Variants in CHRNA7 observed in about 807,000 individuals in gnomAD.
CHRNA7 encodes cholinergic receptor nicotinic alpha 7 subunit.
CHRNA7 carries 17 observed loss-of-function variants against 48.0 expected under a neutral mutation model. That is an observed-to-expected ratio of 0.35 (90% CI 0.24 to 0.53). CHRNA7 has a LOEUF of 0.53. CHRNA7 is among the 20% of genes least tolerant of loss of function. The pLI, the probability that CHRNA7 is intolerant of heterozygous loss-of-function variation, is 0.92. For synonymous variants in CHRNA7, 75 were observed against 242.3 expected, an observed-to-expected ratio of 0.31 and a Z score of 6.41; for missense variants, 155 against 577.7, an observed-to-expected ratio of 0.27 and a Z score of 7.50.
intron 2 of CHRNA7, among the ~76,000 whole-genome samples, chr15:32,058,401 A>G (rs1183978801): frequency 1.3e-5 from 2 of 152,210 alleles, no homozygotes; most frequent in African/African-American, 2.4e-5. Context: ...AGGAATATTC[A>G]TGACAGGAAA....
At chr15:32,068,090 T>C (rs535256172) in intron 2 of CHRNA7, among the ~76,000 whole-genome samples, 1 of 152,276 alleles carries the variant, frequency 6.6e-6, no homozygotes, top group South Asian at 2.1e-4. Flanking sequence ...GACAGGAGGA[T>C]TGCTTGAGGC....
chr15:32,035,279 T>A (rs116928525), intron 2 of CHRNA7, among the ~76,000 whole-genome samples: 1 of 152,202 alleles, frequency 6.6e-6, no homozygotes, highest in African/African-American at 2.4e-5. Context: ...TTGTGCTGTT[T>A]AGTCAGTCAC....
intron 2 of CHRNA7, among the ~76,000 whole-genome samples, chr15:32,074,237 A>G (rs964165658): frequency 1.3e-5 from 2 of 150,730 alleles, no homozygotes; most frequent in South Asian, 2.1e-4. Flanking sequence ...GGGATTTTCT[A>G]TGCAGACAAT....
intron 2 of CHRNA7, among the ~76,000 whole-genome samples, chr15:32,073,041 T>TTCTA (rs1566819538): frequency 3.9e-5 from 6 of 152,268 alleles, no homozygotes; most frequent in Middle Eastern, 3.4e-3. Flanking sequence ...GACCCATGAA[T>TTCTA]GGTAGAGCCA....
intron 4 of CHRNA7, among the ~76,000 whole-genome samples, chr15:32,132,578 A>G (rs1381674954): frequency 6.6e-6 from 1 of 152,174 alleles, no homozygotes; most frequent in Non-Finnish European, 1.5e-5. Flanking sequence ...TTCAAGATCA[A>G]GGGTCTGGAT....
In CHRNA7 at chr15:32,030,989, A is replaced by G. The variant is rs910672291; in HGVS notation, c.147A>G (p.Gln49=). The change falls in exon 2 of 10, where the codon CAA becomes CAG. Residue 49 remains glutamine, a synonymous_variant. Transcript: ENST00000306901. ...AGAGGCCCGTGGCCAATGACTCGCA[A>G]CCACTCACCGTCTACTTCTCCCTGA... ...PLERPVANDS[Q]PLTVYFSLSL... 1 of 1,614,186 alleles carries G rather than the reference A, an allele frequency of 6.2e-7. No individual in the cohort carries two copies. The highest frequency in any genetic ancestry group is 1.7e-5 in the Admixed American group (1 of 60,032).
intron 4 of CHRNA7, among the ~76,000 whole-genome samples, chr15:32,139,531 G>A (rs1459670724): frequency 7.9e-5 from 12 of 151,734 alleles, no homozygotes. Flanking sequence ...ATTTGGTGTT[G>A]TCAGTGTTCT....
chr15:32,030,882 GT>G lies in CHRNA7; in HGVS notation c.56-15del. ...GGCCTGCCCTGAGCCCCCTGCCCGG[GT>G]CTTCTCTCCTTAAGTGTCCCTGCAA... On this transcript the variant is annotated splice_polypyrimidine_tract_variant and intron_variant, in intron 1 of 9. Transcript: ENST00000306901. 1 of 1,612,806 alleles carries G rather than the reference GT, an allele frequency of 6.2e-7. No individual in the cohort carries two copies. Among genetic ancestry groups the G allele is most frequent in the Non-Finnish European group, 8.5e-7 (1 of 1,179,664 alleles).
At chr15:32,105,721 A>G (rs1451160252) in intron 3 of CHRNA7, among the ~76,000 whole-genome samples, 4 of 152,178 alleles carry the variant, frequency 2.6e-5, no homozygotes, top group Admixed American at 2.6e-4. Flanking sequence ...TTTGTCATTA[A>G]TGTTTACTTT....
intron 2 of CHRNA7, among the ~76,000 whole-genome samples, chr15:32,053,970 G>A (rs2049739667): frequency 6.6e-6 from 1 of 152,064 alleles, no homozygotes; most frequent in Non-Finnish European, 1.5e-5. Flanking sequence ...TCTCAGCATG[G>A]GAAATTTACT....
chr15:32,126,060 C>A (rs76195123), intron 4 of CHRNA7, among the ~76,000 whole-genome samples: 2,267 of 152,166 alleles, frequency 0.015, 47 homozygotes, highest in African/African-American at 0.052. Context: ...AATGCTTCTC[C>A]CTGATACCTA....
intron 2 of CHRNA7, among the ~76,000 whole-genome samples, chr15:32,049,122 G>GT (rs2049615440): frequency 6.6e-6 from 1 of 151,552 alleles, no homozygotes; most frequent in Non-Finnish European, 1.5e-5. Flanking sequence ...TGTATATTCT[G>GT]TTGATTTGGG....
rs141705098 is a variant in CHRNA7, at chr15:32,088,005, A to G, written c.196-13298A>G. ...GTTACTCTTTGTATTATAAAGTTCT[A>G]TGAGTTTTGACAATGCTTAATGTCT... On this transcript the variant is annotated intron_variant, in intron 2 of 9. Coordinates refer to ENST00000306901, the MANE Select transcript of CHRNA7 (RefSeq NM_000746.6). 6.6e-4 allele frequency among the ~76,000 whole-genome samples: 100 copies of G among 152,300 alleles called. 1 individual carries two copies. Among genetic ancestry groups the G allele is most frequent in the Non-Finnish European group, 7.8e-4 (53 of 68,028 alleles).
rs570041496 is a variant in CHRNA7, at chr15:32,078,990, G to T, written c.196-22313G>T. 2.0e-5 allele frequency among the ~76,000 whole-genome samples: 3 copies of T among 152,226 alleles called. No homozygotes were observed. The South Asian group carries it at 6.2e-4, about 32-fold the overall frequency. On this transcript the variant is annotated intron_variant, in intron 2 of 9. Coordinates refer to ENST00000306901, the MANE Select transcript of CHRNA7 (RefSeq NM_000746.6). The stretch of plus-strand genomic sequence containing the variant: ...GATTCATCCCTGGGATGCAAGGTTG[G>T]TTCAACATAGGAAAATCAATAAATG...
At chr15:32,063,467 A>G (rs1311806084) in intron 2 of CHRNA7, among the ~76,000 whole-genome samples, 2 of 152,220 alleles carry the variant, frequency 1.3e-5, no homozygotes, top group East Asian at 1.9e-4. Flanking sequence ...GGAAGTCCTA[A>G]GCACAGGGTC....
chr15:32,095,790 T>C (rs2050459019), intron 2 of CHRNA7, among the ~76,000 whole-genome samples: 1 of 152,242 alleles, frequency 6.6e-6, no homozygotes, highest in Admixed American at 6.5e-5. Context: ...ACTTCTGTCT[T>C]GTACAATTAC....
intron 2 of CHRNA7, among the ~76,000 whole-genome samples, chr15:32,054,919 C>T (rs985743539): frequency 6.6e-6 from 1 of 152,156 alleles, no homozygotes; most frequent in Non-Finnish European, 1.5e-5. Context: ...AGTAGATTGG[C>T]GGGGCCATAG....
intron 2 of CHRNA7, among the ~76,000 whole-genome samples, chr15:32,071,827 C>CT (rs60459993): frequency 1.8e-4 from 27 of 147,640 alleles, no homozygotes; most frequent in African/African-American, 5.9e-4. Context: ...AAATAAGCCT[C>CT]TTTTTTTTTT....
At chr15:32,145,328 G>A (rs146863871) in intron 4 of CHRNA7, among the ~76,000 whole-genome samples, 3 of 152,080 alleles carry the variant, frequency 2.0e-5, no homozygotes, top group Non-Finnish European at 4.4e-5. Context: ...TGAGGTGTCT[G>A]TTGGCCCCTA....
Sources: allele counts gnomAD v4.1 joint callset (sites outside exome capture counted in the v4.1 genomes callset), GRCh38; gene constraint gnomAD v4.1.1; transcripts MANE v1.5; gene names NCBI Gene and HGNC (gene_info 2026-07-23, HGNC 2026-07-21).